Variants in NCF2 observed in about 807,000 individuals in gnomAD.
NCF2 encodes neutrophil cytosolic factor 2.
Under a neutral mutation model 70.9 loss-of-function variants are expected in NCF2, and 45 were observed. The ratio of observed to expected loss-of-function variants is 0.63; its 90% CI spans 0.50 to 0.81. The LOEUF (loss-of-function observed/expected upper bound fraction) is 0.81. NCF2 is among the 40% of genes least tolerant of loss of function. NCF2 has a pLI of 0.00. For synonymous variants in NCF2, 203 were observed against 233.6 expected, an observed-to-expected ratio of 0.87 and a Z score of 1.19; for missense variants, 522 against 631.6, an observed-to-expected ratio of 0.83 and a Z score of 1.86.
At chr1:183,573,478 C>T (rs933726669) in intron 4 of NCF2, among the ~76,000 whole-genome samples, 186 bp from the exon 5 acceptor site, 1 of 152,172 alleles carries the variant, frequency 6.6e-6, no homozygotes, top group Non-Finnish European at 1.5e-5. Context: ...CCACCTTCTG[C>T]TGCGAGGCCA....
In NCF2 at chr1:183,570,859, G is replaced by C. The variant is rs759997544; in HGVS notation, c.610-20C>G. On this transcript the variant is annotated intron_variant, in intron 5 of 14. Coordinates refer to ENST00000367535, the MANE Select transcript of NCF2 (RefSeq NM_000433.4). ...CACGACCTAAAATCAAGGACAGGAG[G>C]GTGTGAGGCTCTGCCAGCACTGTTT... 2 of 1,613,430 alleles carry C rather than the reference G, an allele frequency of 1.2e-6. No homozygotes were observed. Among genetic ancestry groups the C allele is most frequent in the East Asian group, 4.5e-5 (2 of 44,870 alleles).
At chr1:183,557,513 T>G (rs1671844996) in intron 14 of NCF2, among the ~76,000 whole-genome samples, 4 of 152,238 alleles carry the variant, frequency 2.6e-5, no homozygotes, top group Admixed American at 2.6e-4. Flanking sequence ...CATTAAAGTT[T>G]GAGAAACACT....
chr1:183,590,658 G>T (rs1044565153), upstream of NCF2: 17 of 386,144 alleles, frequency 4.4e-5, no homozygotes, highest in African/African-American at 2.9e-4. Context: ...TCCCCAAAAT[G>T]CTTCTGCTCT....
At chr1:183,581,274 C>A (rs1489965044) in intron 2 of NCF2, among the ~76,000 whole-genome samples, 1 of 100,862 alleles carries the variant, frequency 9.9e-6, no homozygotes, top group Non-Finnish European at 1.9e-5. Flanking sequence ...AGAATGAAAT[C>A]CTGACTCAAA....
At chr1:183,578,470 G>A (rs1672905580) in intron 2 of NCF2, among the ~76,000 whole-genome samples, 1 of 151,732 alleles carries the variant, frequency 6.6e-6, no homozygotes. Flanking sequence ...TGATTCTCCT[G>A]CCTCAGCCAC....
chr1:183,556,343 G>T, intron 14 of NCF2, 113 bp from the exon 15 acceptor site: 1 of 889,568 alleles, frequency 1.1e-6, no homozygotes, highest in South Asian at 1.4e-5. Context: ...CCCTAATTGT[G>T]ATCAACAGGG....
At chr1:183,601,369 C>T in the NCF2 span, among the ~76,000 whole-genome samples, 1 of 152,200 alleles carries the variant, frequency 6.6e-6, no homozygotes, top group Admixed American at 6.5e-5. Context: ...ATACTATCAT[C>T]ATATTGTGAG....
At chr1:183,577,544 G>T in intron 3 of NCF2, 55 bp downstream of exon 3, 2 of 1,381,074 alleles carry the variant, frequency 1.4e-6, no homozygotes, top group Non-Finnish European at 2.1e-6. Context: ...TGAACTGTCA[G>T]CCATCCATCC....
intron 10 of NCF2, among the ~76,000 whole-genome samples, chr1:183,564,450 T>C (rs571075293): frequency 6.6e-5 from 10 of 152,328 alleles, no homozygotes; most frequent in South Asian, 2.1e-4. Flanking sequence ...TTTCCTAAAG[T>C]TTATTAATTT....
chr1:183,560,064 A>G, intron 14 of NCF2, 32 bp downstream of exon 14: 1 of 1,606,322 alleles, frequency 6.2e-7, no homozygotes, highest in East Asian at 2.2e-5. Flanking sequence ...TAACATGTAA[A>G]TTTGTTTCTA....
Position 183,573,268 on chromosome 1 carries a change from C to T in NCF2, c.526G>A (p.Val176Met). ...CGAAACAGCTTGCCCACAGGGATCACCACTGGCTCATATAGCTTCTGCTTC... is the reference window on the plus strand; with the variant it reads ...CGAAACAGCTTGCCCACAGGGATCATCACTGGCTCATATAGCTTCTGCTTC... ...VWKQKLYEPV[V>M]IPVGKLFRPN... is the part of the protein sequence containing the mutation. Residue 176 changes from valine to methionine, a missense_variant, in exon 5 of 15, where the codon GTG becomes ATG. Transcript: ENST00000367535. The T allele has an allele frequency of 1.2e-6, 2 of 1,614,120 alleles. No individual in the cohort carries two copies. Among genetic ancestry groups the T allele is most frequent in the Non-Finnish European group, 1.7e-6 (2 of 1,179,972 alleles).
intron 14 of NCF2, 51 bp from the exon 15 acceptor site, chr1:183,556,281 T>G: frequency 6.7e-7 from 1 of 1,494,552 alleles, no homozygotes; most frequent in Non-Finnish European, 9.3e-7. Context: ...GTAGGAAGAT[T>G]ACCCTGTCTG....
intron 1 of NCF2, among the ~76,000 whole-genome samples, chr1:183,588,474 C>CAAAAAA (rs58562761): frequency 9.8e-6 from 1 of 101,908 alleles, no homozygotes; most frequent in Non-Finnish European, 1.9e-5. Flanking sequence ...GACTCCATCT[C>CAAAAAA]AAAAAAAAAA....
chr1:183,564,244 G>T (rs1672208397), intron 10 of NCF2, among the ~76,000 whole-genome samples: 1 of 152,074 alleles, frequency 6.6e-6, no homozygotes, highest in Admixed American at 6.5e-5. Flanking sequence ...CTCAGTCTCT[G>T]CTTCTAGGGA....
intron 1 of NCF2, among the ~76,000 whole-genome samples, chr1:183,587,878 A>G (rs1354842213): frequency 6.6e-6 from 1 of 152,174 alleles, no homozygotes; most frequent in Non-Finnish European, 1.5e-5. Flanking sequence ...TATTTAAAAT[A>G]TAGTTAGTTA....
Position 183,574,484 on chromosome 1 carries a change from T to C in NCF2, c.501+3A>G. ...TCAACACCTGCATCACCAATACGCTTACCCAGACACACTCCATCGCCTTGT... is the reference window on the plus strand; with the variant it reads ...TCAACACCTGCATCACCAATACGCTCACCCAGACACACTCCATCGCCTTGT... On this transcript the variant is annotated splice_donor_region_variant and intron_variant, in intron 4 of 14. Coordinates refer to ENST00000367535, the MANE Select transcript of NCF2 (RefSeq NM_000433.4). 6.2e-7 allele frequency: 1 copy of C among 1,614,180 alleles called. No individual in the cohort carries two copies.
At chr1:183,565,248 C>G (rs571103814) in intron 10 of NCF2, among the ~76,000 whole-genome samples, 1 of 152,322 alleles carries the variant, frequency 6.6e-6, no homozygotes, top group South Asian at 2.1e-4. Flanking sequence ...TCAGAGAGAA[C>G]ATTTCCATTT....
At chr1:183,593,604 T>C (rs1673724419), upstream of NCF2, among the ~76,000 whole-genome samples, 1 of 152,202 alleles carries the variant, frequency 6.6e-6, no homozygotes, top group Non-Finnish European at 1.5e-5. Context: ...TAGTTCCTAC[T>C]CATCTTTCAC....
chr1:183,575,339 A>G (rs1297628983), intron 3 of NCF2, among the ~76,000 whole-genome samples: 5 of 152,302 alleles, frequency 3.3e-5, no homozygotes, highest in East Asian at 1.9e-4. Flanking sequence ...GCATGGTGGC[A>G]GGCACCTGTA....
Sources: gnomAD v4.1 joint callset for allele counts (sites outside exome capture counted in the v4.1 genomes callset) on GRCh38, gnomAD v4.1.1 for gene constraint, MANE v1.5 for transcripts, NCBI Gene and HGNC (gene_info 2026-07-23, HGNC 2026-07-21) for gene names.